The following LIPF variants were observed in gnomAD, a reference collection of about 807,000 sequenced individuals.
The protein encoded by LIPF is gastric triacylglycerol lipase.
In LIPF, 25 loss-of-function variants were observed where a neutral mutation model predicts 38.0. That is an observed-to-expected ratio of 0.66 (90% CI 0.48 to 0.92). The LOEUF is 0.92. Among genes scored for constraint, LIPF ranks in the 40% least tolerant of loss-of-function variants. The pLI, the probability that LIPF is intolerant of heterozygous loss-of-function variation, is 0.00. For missense variants in LIPF, 410 were observed against 469.9 expected (o/e 0.87, Z 1.18); for synonymous variants, 161 against 156.2 (o/e 1.03, Z -0.23).
chr10:88,678,031 A>G (rs1055815492), intron 9 of LIPF, among the ~76,000 whole-genome samples: 1 of 152,206 alleles, frequency 6.6e-6, no homozygotes. Context: ...ACAACCTATT[A>G]ACAATTAGAA....
At chr10:88,676,682 C>G (rs1841691337) in intron 9 of LIPF, among the ~76,000 whole-genome samples, 1 of 152,148 alleles carries the variant, frequency 6.6e-6, no homozygotes, top group South Asian at 2.1e-4. Context: ...TGTTGACAGC[C>G]AGAGGAGTGA....
At chr10:88,664,591 A>G (rs558120490) in intron 1 of LIPF, 100 bp downstream of exon 1, 1 of 152,744 alleles carries the variant, frequency 6.5e-6, no homozygotes, top group South Asian at 2.1e-4. Flanking sequence ...TTTGTTGCAT[A>G]TTCACCTGCA....
At chr10:88,666,594 T>C (rs940503445) in intron 1 of LIPF, among the ~76,000 whole-genome samples, 3 of 152,134 alleles carry the variant, frequency 2.0e-5, no homozygotes, top group Non-Finnish European at 2.9e-5. Context: ...TGGTGGCTTA[T>C]GTCTATAATC....
At position 88,675,560 on chromosome 10, in the gene LIPF, T is replaced by C. The variant is rs750007522; in HGVS notation, c.817-26T>C. The C allele has an allele frequency of 2.6e-6, 4 of 1,536,768 alleles. No homozygotes were observed. The Admixed American group carries it at 6.7e-5, about 26-fold the overall frequency. On this transcript the variant is annotated intron_variant, in intron 7 of 9. Transcript: ENST00000238983. Reference sequence around the variant, plus strand: ...CTGAGTATGTGTCTTAGTATGTATATAATATGTGTGTCTGTTGATTTCTAG... The same window carrying C: ...CTGAGTATGTGTCTTAGTATGTATACAATATGTGTGTCTGTTGATTTCTAG...
intron 1 of LIPF, chr10:88,665,681 A>T: frequency 1.5e-6 from 1 of 655,042 alleles, no homozygotes; most frequent in Middle Eastern, 2.5e-4. Context: ...GTCTTTATAT[A>T]TTAGTTTATC....
chr10:88,666,777 CA>C (rs1283810620), intron 1 of LIPF, among the ~76,000 whole-genome samples: 1 of 152,140 alleles, frequency 6.6e-6, no homozygotes, highest in Non-Finnish European at 1.5e-5. Flanking sequence ...ATAATAACCT[CA>C]AATCAGTAAA....
Position 88,671,937 on chromosome 10 carries a change from T to A in LIPF, c.641T>A (p.Leu214His). 6.2e-7 allele frequency: 1 copy of A among 1,611,832 alleles called. No homozygotes were observed. Among genetic ancestry groups the A allele is most frequent in the Non-Finnish European group, 8.5e-7 (1 of 1,178,726 alleles). Residue 214 changes from leucine to histidine, a missense_variant, in exon 6 of 10, where the codon CTT becomes CAT. Coordinates refer to ENST00000238983, the MANE Select transcript of LIPF (RefSeq NM_004190.4). The stretch of plus-strand genomic sequence containing the variant: ...TATACAAAAAGCCTTATAAACAAAC[T>A]TAGATTTGTTCCTCAATCCCTCTTC... ...VKYTKSLINK[L>H]RFVPQSLFKF...
At chr10:88,665,661 C>T in intron 1 of LIPF, 1 of 794,406 alleles carries the variant, frequency 1.3e-6, no homozygotes, top group South Asian at 1.5e-5. Flanking sequence ...TGTTACAACA[C>T]TACTGGTTAG....
chr10:88,678,029 T>C (rs1383996554), intron 9 of LIPF, among the ~76,000 whole-genome samples: 1 of 152,204 alleles, frequency 6.6e-6, no homozygotes, highest in Non-Finnish European at 1.5e-5. Flanking sequence ...AAACAACCTA[T>C]TAACAATTAG....
intron 1 of LIPF, chr10:88,665,533 C>T (rs1240231523): frequency 3.3e-6 from 5 of 1,534,688 alleles, no homozygotes; most frequent in Admixed American, 2.0e-5. Context: ...ATCTTTGAGC[C>T]CATTGAGATG....
rs546282389 is a variant in LIPF at position 88,678,767 on chromosome 10, T to C, written c.*86T>C. 2.0e-5 allele frequency: 16 copies of C among 808,788 alleles called. No individual in the cohort carries two copies. In the South Asian group the frequency reaches 2.4e-4, roughly 12 times the overall value. The allele number at this position is 808,788 out of a possible 1,614,324, so 50.1% of individuals were successfully genotyped here. On this transcript the variant is annotated 3_prime_UTR_variant, in exon 10 of 10. Coordinates refer to ENST00000238983, the MANE Select transcript of LIPF (RefSeq NM_004190.4). Reference sequence around the variant, plus strand: ...TATTTTCATAATGTTTGACATGCAGTGCTTCTTTCTGTAATTTTGACTTTA... The same window carrying C: ...TATTTTCATAATGTTTGACATGCAGCGCTTCTTTCTGTAATTTTGACTTTA...
chr10:88,665,737 AT>A (rs68081693), intron 1 of LIPF, among the ~76,000 whole-genome samples: 10,097 of 99,960 alleles, frequency 0.1, 140 homozygotes, highest in African/African-American at 0.17. Context: ...TTAAAAACTG[AT>A]TTTTTTTTTT....
rs1359752534 is a variant in LIPF, at chr10:88,668,679, G to A, written c.345G>A (p.Leu115=). Reference sequence around the variant, plus strand: ...CAGATGCTGGTTATGATGTGTGGCTGGGCAACAGCAGAGGAAACACCTGGG... The same window carrying A: ...CAGATGCTGGTTATGATGTGTGGCTAGGCAACAGCAGAGGAAACACCTGGG... The part of the protein sequence containing the change: ...ILADAGYDVW[L]GNSRGNTWAR... The change falls in exon 4 of 10, where the codon CTG becomes CTA. Residue 115 remains leucine, a synonymous_variant. Transcript: ENST00000238983. 1 of 1,614,112 alleles carries A rather than the reference G, an allele frequency of 6.2e-7. No homozygotes were observed. The highest frequency in any genetic ancestry group is 2.2e-5 in the East Asian group (1 of 44,882).
Position 88,669,901 on chromosome 10 carries a change from C to G in LIPF, c.487C>G (p.Gln163Glu). The change falls in exon 5 of 10, where the codon CAG (glutamine) becomes GAG (glutamate). Residue 163 changes from glutamine to glutamate, a missense_variant. By Grantham distance (29) the Gln-to-Glu change is conservative. Transcript: ENST00000238983. Reference sequence around the variant, plus strand: ...CGACTTCATTGTAAAGAAAACTGGACAGAAGCAGCTACACTATGTTGGCCA... The same window carrying G: ...CGACTTCATTGTAAAGAAAACTGGAGAGAAGCAGCTACACTATGTTGGCCA... Reference protein sequence around the residue: ...TIDFIVKKTGQKQLHYVGHSQ... With the variant: ...TIDFIVKKTGEKQLHYVGHSQ... The G allele has an allele frequency of 6.2e-7, 1 of 1,613,502 alleles. No individual in the cohort carries two copies. Among genetic ancestry groups the G allele is most frequent in the Non-Finnish European group, 8.5e-7 (1 of 1,179,572 alleles).
chr10:88,668,889 ATTCT>A, intron 4 of LIPF, 133 bp downstream of exon 4: 1 of 740,468 alleles, frequency 1.4e-6, no homozygotes, highest in Non-Finnish European at 2.2e-6. Context: ...ATTCTAATCC[ATTCT>A]TGGATTCTTC....
chr10:88,669,810 A>C (rs1841566973), intron 4 of LIPF, 27 bp from the exon 5 acceptor site: 1 of 1,434,054 alleles, frequency 7.0e-7, no homozygotes. Flanking sequence ...AAATGTATTC[A>C]CTTTCATTTT....
At position 88,678,488 on chromosome 10, in the gene LIPF, T is replaced by C. The variant is rs767622980; in HGVS notation, c.1004T>C (p.Ile335Thr). 5.0e-6 allele frequency: 8 copies of C among 1,613,922 alleles called. No homozygotes were observed. Among genetic ancestry groups the C allele is most frequent in the African/African-American group, 2.7e-5 (2 of 74,930 alleles). ...YYNVTAMNVPIAVWNGGKDLL... is the reference protein window; with the variant it reads ...YYNVTAMNVPTAVWNGGKDLL... ...AATGTGACAGCCATGAATGTACCAATTGCAGTGTGGAACGGTGGCAAGGAC... is the reference window on the plus strand; with the variant it reads ...AATGTGACAGCCATGAATGTACCAACTGCAGTGTGGAACGGTGGCAAGGAC... The change falls in exon 10 of 10, where the codon ATT (isoleucine) becomes ACT (threonine). Residue 335 changes from isoleucine to threonine, a missense_variant. Coordinates refer to ENST00000238983, the MANE Select transcript of LIPF (RefSeq NM_004190.4).
intron 6 of LIPF, among the ~76,000 whole-genome samples, 157 bp downstream of exon 6, chr10:88,672,122 C>T (rs540696179): frequency 6.6e-6 from 1 of 152,264 alleles, no homozygotes; most frequent in South Asian, 2.1e-4. Flanking sequence ...ATAGCACTGA[C>T]CATGTTTGAA....
chr10:88,672,670 ACT>A (rs60719768), intron 6 of LIPF, among the ~76,000 whole-genome samples: 5,953 of 109,596 alleles, frequency 0.054, 124 homozygotes, highest in Non-Finnish European at 0.073. Flanking sequence ...ACACACACAC[ACT>A]CTCTCTCTCT....
Sources: gnomAD v4.1 joint callset for allele counts (sites outside exome capture counted in the v4.1 genomes callset) on GRCh38, gnomAD v4.1.1 for gene constraint, MANE v1.5 for transcripts, NCBI Gene and HGNC (gene_info 2026-07-23, HGNC 2026-07-21) for gene names.